The following NBEA variants were observed in gnomAD, a reference collection of about 807,000 sequenced individuals.
NBEA encodes the protein lysosomal-trafficking regulator 2.
NBEA carries 44 observed loss-of-function variants against 343.4 expected under a neutral mutation model. That is an observed-to-expected ratio of 0.13 (90% CI 0.10 to 0.16). NBEA has a LOEUF of 0.16. NBEA is among the 10% of genes least tolerant of loss of function. The probability of loss-of-function intolerance (pLI) is 1.00; values close to 1 mark genes in which losing one functional copy is unlikely to be tolerated. For synonymous variants in NBEA, 1,175 were observed against 1,238.7 expected, an observed-to-expected ratio of 0.95 and a Z score of 1.08; for missense variants, 2,555 against 3,631.3, an observed-to-expected ratio of 0.70 and a Z score of 7.62.
intron 11 of NBEA, among the ~76,000 whole-genome samples, chr13:35,106,293 A>G (rs1316266185): frequency 6.6e-6 from 1 of 152,018 alleles, no homozygotes; most frequent in Non-Finnish European, 1.5e-5. Context: ...AACAAATACC[A>G]AAATATAAAA....
chr13:35,587,101 C>T (rs747674125), intron 46 of NBEA, among the ~76,000 whole-genome samples: 6 of 152,060 alleles, frequency 3.9e-5, no homozygotes, highest in Non-Finnish European at 7.4e-5. Context: ...ATTACTGCCG[C>T]CAGTGGAAAA....
At chr13:35,080,233 A>G (rs949431383) in intron 10 of NBEA, among the ~76,000 whole-genome samples, 1 of 152,116 alleles carries the variant, frequency 6.6e-6, no homozygotes, top group African/African-American at 2.4e-5. Flanking sequence ...CCCTCCTAGT[A>G]CAACTGTCGT....
intron 44 of NBEA, among the ~76,000 whole-genome samples, chr13:35,563,599 G>A (rs2079986600): frequency 6.6e-6 from 1 of 151,664 alleles, no homozygotes; most frequent in African/African-American, 2.4e-5. Flanking sequence ...TTAAAAACAA[G>A]CATTAATGTC....
chr13:35,346,865 C>A (rs1380538402), intron 36 of NBEA, among the ~76,000 whole-genome samples: 1 of 152,064 alleles, frequency 6.6e-6, no homozygotes, highest in Admixed American at 6.6e-5. Flanking sequence ...CGGATTTCTA[C>A]TGAGAACTAT....
At chr13:35,572,010 G>T (rs1014548392) in intron 45 of NBEA, among the ~76,000 whole-genome samples, 4 of 151,998 alleles carry the variant, frequency 2.6e-5, no homozygotes, top group Non-Finnish European at 5.9e-5. Context: ...GACATCACAG[G>T]TTCAAGTTTT....
At chr13:35,259,082 G>T (rs2032957701) in intron 34 of NBEA, among the ~76,000 whole-genome samples, 1 of 152,148 alleles carries the variant, frequency 6.6e-6, no homozygotes, top group Admixed American at 6.5e-5. Flanking sequence ...AGCATTTGTG[G>T]TTCCTTTCCA....
chr13:35,177,929 A>T (rs2071030677), intron 28 of NBEA, among the ~76,000 whole-genome samples: 1 of 151,804 alleles, frequency 6.6e-6, no homozygotes, highest in East Asian at 1.9e-4. Flanking sequence ...GTTATATAAC[A>T]TAATGCTATA....
At chr13:35,314,758 ATT>A (rs2037607694) in intron 36 of NBEA, among the ~76,000 whole-genome samples, 2 of 152,166 alleles carry the variant, frequency 1.3e-5, no homozygotes. Context: ...TATATATGAT[ATT>A]TATTACAGCT....
chr13:35,517,256 A>G (rs2077520778), intron 41 of NBEA, among the ~76,000 whole-genome samples: 1 of 152,002 alleles, frequency 6.6e-6, no homozygotes. Context: ...CCCCAAAGGT[A>G]TGTCCTTTCA....
chr13:35,499,149 A>G (rs568288684), intron 41 of NBEA, among the ~76,000 whole-genome samples: 1 of 152,222 alleles, frequency 6.6e-6, no homozygotes, highest in South Asian at 2.1e-4. Context: ...AGCAAAGCAT[A>G]AGATCTGTTT....
chr13:35,148,744 A>T (rs562729245), intron 18 of NBEA, among the ~76,000 whole-genome samples: 260 of 152,262 alleles, frequency 1.7e-3, no homozygotes, highest in Middle Eastern at 0.01. Context: ...ATAGCTGGGA[A>T]GGCAAACTTT....
At chr13:34,994,055 A>G (rs2060852182) in intron 1 of NBEA, among the ~76,000 whole-genome samples, 1 of 151,618 alleles carries the variant, frequency 6.6e-6, no homozygotes, top group Non-Finnish European at 1.5e-5. Context: ...AGAATTAGCC[A>G]GGTGTGATGG....
chr13:35,131,816 A>C (rs2152685966), intron 17 of NBEA, among the ~76,000 whole-genome samples: 1 of 152,332 alleles, frequency 6.6e-6, no homozygotes, highest in Admixed American at 6.5e-5. Flanking sequence ...AAACTAATAA[A>C]TCAAACAGAG....
chr13:35,470,045 A>G (rs1178836138), intron 40 of NBEA, among the ~76,000 whole-genome samples: 1 of 152,230 alleles, frequency 6.6e-6, no homozygotes, highest in Non-Finnish European at 1.5e-5. Flanking sequence ...AGACTACAAC[A>G]AAAAGATTCA....
intron 1 of NBEA, among the ~76,000 whole-genome samples, chr13:35,017,052 A>G (rs1230667195): frequency 6.6e-6 from 1 of 152,180 alleles, no homozygotes; most frequent in Non-Finnish European, 1.5e-5. Context: ...GAAGCCATTG[A>G]AAGACTTTAG....
intron 27 of NBEA, among the ~76,000 whole-genome samples, chr13:35,174,642 T>C (rs1320853289): frequency 2.0e-5 from 3 of 152,130 alleles, no homozygotes; most frequent in African/African-American, 7.2e-5. Context: ...TATTATTTAC[T>C]GCTCACAGGA....
intron 50 of NBEA, 135 bp from the exon 51 acceptor site, chr13:35,646,124 G>A: frequency 1.3e-6 from 1 of 747,466 alleles, no homozygotes; most frequent in South Asian, 1.8e-5. Context: ...TCTGCACCCT[G>A]AGAAAAGAGC....
intron 10 of NBEA, among the ~76,000 whole-genome samples, chr13:35,088,739 C>A (rs1263630144): frequency 6.6e-6 from 1 of 151,488 alleles, no homozygotes; most frequent in African/African-American, 2.4e-5. Context: ...GAACAGAGCC[C>A]TCAGAAATAA....
At chr13:35,223,138 G>T (rs1349625467) in intron 33 of NBEA, among the ~76,000 whole-genome samples, 1 of 151,954 alleles carries the variant, frequency 6.6e-6, no homozygotes, top group Non-Finnish European at 1.5e-5. Flanking sequence ...TCTTGAAAAA[G>T]AAAAAGAAAA....
Sources: allele counts gnomAD v4.1 joint callset (sites outside exome capture counted in the v4.1 genomes callset), GRCh38; gene constraint gnomAD v4.1.1; transcripts MANE v1.5; gene names NCBI Gene and HGNC (gene_info 2026-07-23, HGNC 2026-07-21).